The following TJP1 variants were observed in gnomAD, a reference collection of about 807,000 sequenced individuals.
The protein encoded by TJP1 is tight junction protein ZO-1.
A neutral mutation model predicts 194.2 loss-of-function variants in TJP1; 43 were observed. The ratio of observed to expected loss-of-function variants is 0.22; its 90% CI spans 0.17 to 0.29. TJP1 has a LOEUF of 0.29. TJP1 is among the 10% of genes least tolerant of loss of function. TJP1 has a pLI of 1.00. For missense variants in TJP1, 1,971 were observed against 2,185.7 expected, an observed-to-expected ratio of 0.90 and a Z score of 1.96; for synonymous variants, 801 against 779.0, an observed-to-expected ratio of 1.03 and a Z score of -0.47.
chr15:29,705,916 A>AT (rs1224928048), intron 25 of TJP1, among the ~76,000 whole-genome samples, 171 bp from the exon 26 acceptor site: 1 of 152,136 alleles, frequency 6.6e-6, no homozygotes, highest in African/African-American at 2.4e-5. Flanking sequence ...ATCGCAGAGA[A>AT]TATTATTTCT....
intron 4 of TJP1, among the ~76,000 whole-genome samples, chr15:29,770,537 A>C (rs1038986032): frequency 1.3e-5 from 2 of 151,926 alleles, no homozygotes; most frequent in Non-Finnish European, 2.9e-5. Context: ...AACATGGTGA[A>C]ACCCTGTCTC....
chr15:29,775,760 C>G (rs2046977553), intron 2 of TJP1, among the ~76,000 whole-genome samples: 2 of 152,064 alleles, frequency 1.3e-5, no homozygotes, highest in Admixed American at 6.6e-5. Context: ...TAAGACACTA[C>G]AGAACAAATT....
intron 2 of TJP1, among the ~76,000 whole-genome samples, chr15:29,846,824 G>T (rs1395747478): frequency 6.6e-6 from 1 of 152,004 alleles, no homozygotes; most frequent in South Asian, 2.1e-4. Flanking sequence ...TACTCAGGAG[G>T]CTGCGGCAGG....
chr15:29,959,202 G>A (rs1320501900), intron 1 of TJP1, among the ~76,000 whole-genome samples: 2 of 151,442 alleles, frequency 1.3e-5, no homozygotes, highest in African/African-American at 2.4e-5. Context: ...TGTTAGCCAG[G>A]ATGGTCTCCA....
At position 29,705,668 on chromosome 15, in the gene TJP1, T is replaced by C. The variant is rs200271901; in HGVS notation, c.4928A>G (p.Asn1643Ser). 6.8e-5 allele frequency: 110 copies of C among 1,614,036 alleles called. No individual in the cohort carries two copies. Among genetic ancestry groups the C allele is most frequent in the Middle Eastern group, 1.6e-4 (1 of 6,084 alleles). Reference sequence around the variant, plus strand: ...TTCTATGGAACTCAGCACGCCCCCATTGCTGTTAAATATGCCTCGGGCTGT... The same window carrying C: ...TTCTATGGAACTCAGCACGCCCCCACTGCTGTTAAATATGCCTCGGGCTGT... ...VATARGIFNS[N>S]GGVLSSIETG... The change falls in exon 26 of 28, where the codon AAT becomes AGT. Residue 1643 changes from asparagine (N) to serine (S), a missense_variant. By Grantham distance (46) the Asn-to-Ser change is conservative (BLOSUM62 1). Coordinates refer to ENST00000614355, the MANE Select transcript of TJP1 (RefSeq NM_001330239.4).
intron 27 of TJP1, among the ~76,000 whole-genome samples, chr15:29,703,332 C>T (rs1180699397): frequency 6.6e-6 from 1 of 151,766 alleles, no homozygotes; most frequent in Non-Finnish European, 1.5e-5. Context: ...CACCTGTAAT[C>T]GAGGCTGAGG....
At chr15:29,929,298 T>C (rs925011521) in intron 2 of TJP1, among the ~76,000 whole-genome samples, 3 of 152,212 alleles carry the variant, frequency 2.0e-5, no homozygotes, top group African/African-American at 7.2e-5. Context: ...ATGAAAGCAC[T>C]AACTATTGAA....
At chr15:29,779,167 C>G (rs1021542007) in intron 2 of TJP1, among the ~76,000 whole-genome samples, 2 of 152,112 alleles carry the variant, frequency 1.3e-5, no homozygotes, top group African/African-American at 4.8e-5. Flanking sequence ...TTGTCCACTT[C>G]AAGCTGATTA....
chr15:29,799,555 C>CA, intron 2 of TJP1, among the ~76,000 whole-genome samples: 2 of 152,052 alleles, frequency 1.3e-5, no homozygotes, highest in Non-Finnish European at 2.9e-5. Flanking sequence ...GCTGGGACTA[C>CA]AGGCACCCGC....
upstream of TJP1, among the ~76,000 whole-genome samples, chr15:29,826,011 A>G: frequency 6.6e-6 from 1 of 152,208 alleles, no homozygotes; most frequent in South Asian, 2.1e-4. Context: ...AATCTTATAA[A>G]GTAAAAACAT....
chr15:29,966,108 C>A (rs941723327), intron 1 of TJP1, among the ~76,000 whole-genome samples: 1 of 152,154 alleles, frequency 6.6e-6, no homozygotes, highest in African/African-American at 2.4e-5. Context: ...AGAAGCAGAA[C>A]CCCAATGATG....
intron 1 of TJP1, among the ~76,000 whole-genome samples, chr15:29,809,831 G>T (rs187522068): frequency 4.7e-4 from 71 of 150,470 alleles, no homozygotes; most frequent in Non-Finnish European, 8.9e-4. Context: ...GGGCAACCAG[G>T]AGCGAAACTC....
chr15:29,711,074 T>C, intron 23 of TJP1, 74 bp from the exon 24 acceptor site: 2 of 1,468,496 alleles, frequency 1.4e-6, no homozygotes, highest in Non-Finnish European at 1.8e-6. Flanking sequence ...CATTTCTCCA[T>C]GTATCTCTAA....
chr15:29,821,324 T>A (rs2050327322), intron 1 of TJP1: 1 of 152,248 alleles, frequency 6.6e-6, no homozygotes, highest in East Asian at 1.9e-4. Context: ...GTGCTCATCT[T>A]ATTGTCCATT....
intron 15 of TJP1, among the ~76,000 whole-genome samples, chr15:29,731,683 T>C (rs34968193): frequency 0.017 from 2,578 of 152,234 alleles, 30 homozygotes; most frequent in South Asian, 0.027. Context: ...TGGTAGTCCA[T>C]TGAAGAAGGG....
intron 2 of TJP1, among the ~76,000 whole-genome samples, chr15:29,827,707 C>T (rs770126775): frequency 6.6e-6 from 1 of 152,116 alleles, no homozygotes; most frequent in African/African-American, 2.4e-5. Flanking sequence ...TGAAATAGTG[C>T]ATAAAAAACA....
intron 24 of TJP1, among the ~76,000 whole-genome samples, chr15:29,709,370 C>T (rs2042102349): frequency 6.6e-6 from 1 of 152,108 alleles, no homozygotes. Context: ...AAATGTAAAA[C>T]AAAACCAACA....
intron 23 of TJP1, 71 bp downstream of exon 23, chr15:29,716,540 T>G: frequency 8.6e-7 from 1 of 1,164,580 alleles, no homozygotes. Flanking sequence ...TTATTTTTCT[T>G]CAAAATATAT....
intron 1 of TJP1, among the ~76,000 whole-genome samples, chr15:29,802,737 C>A (rs1433875407): frequency 6.6e-6 from 1 of 152,136 alleles, no homozygotes; most frequent in Non-Finnish European, 1.5e-5. Flanking sequence ...CCAATCTCAG[C>A]TGATATTAAG....
Sources: gnomAD v4.1 joint callset for allele counts (sites outside exome capture counted in the v4.1 genomes callset) on GRCh38, gnomAD v4.1.1 for gene constraint, MANE v1.5 for transcripts, NCBI Gene and HGNC (gene_info 2026-07-23, HGNC 2026-07-21) for gene names.